The following POTEF variants were observed in gnomAD, a reference collection of about 807,000 sequenced individuals.
POTEF encodes ANKRD26-like family C member 1B.
POTEF carries 20 observed loss-of-function variants against 83.2 expected under a neutral mutation model. The observed-to-expected ratio is 0.24, with a 90% CI of 0.17 to 0.35. The LOEUF (loss-of-function observed/expected upper bound fraction) is 0.35. POTEF is among the 10% of genes least tolerant of loss of function. POTEF has a pLI of 1.00. For synonymous variants in POTEF, 196 were observed against 446.4 expected (o/e 0.44, Z 7.07); for missense variants, 550 against 1,203.2 (o/e 0.46, Z 8.03).
intron 5 of POTEF, among the ~76,000 whole-genome samples, chr2:130,114,585 G>A (rs1205049912): frequency 2.7e-5 from 4 of 145,740 alleles, no homozygotes; most frequent in African/African-American, 5.1e-5. Context: ...ACATTCAATA[G>A]GGAAAAAACA....
At chr2:130,087,631 A>AT (rs1317459046) in intron 13 of POTEF, among the ~76,000 whole-genome samples, 3 of 139,308 alleles carry the variant, frequency 2.2e-5, no homozygotes, top group African/African-American at 5.6e-5. Context: ...AATCTATTAA[A>AT]ATTTTTTTTT....
chr2:130,075,274 G>A lies in POTEF; in HGVS notation c.2198C>T (p.Ser733Phe). The A allele has an allele frequency of 4.3e-6, 7 of 1,612,596 alleles. No homozygotes were observed. The highest frequency in any genetic ancestry group is 3.3e-5 in the South Asian group (3 of 91,010). ...GDDAPRAVFP[S>F]IVGRPRQQGM... ...CTGCTGCCTGGGGCGCCCCACGATGGAAGGGAAGACAGCCCGGGGGGCATC... is the reference window on the plus strand; with the variant it reads ...CTGCTGCCTGGGGCGCCCCACGATGAAAGGGAAGACAGCCCGGGGGGCATC... The change falls in exon 17 of 17, where the codon TCC becomes TTC. Residue 733 changes from serine (S) to phenylalanine (F), a missense_variant. By Grantham distance (155) the Ser-to-Phe change is radical. Coordinates refer to ENST00000409914, the MANE Select transcript of POTEF (RefSeq NM_001099771.2).
At position 130,120,000 on chromosome 2, in the gene POTEF, T is replaced by C. The variant is rs769930249; in HGVS notation, c.516A>G (p.Gln172=). The C allele has an allele frequency of 1.1e-5, 13 of 1,167,268 alleles. 2 individuals carry two copies. In the South Asian group the frequency reaches 1.7e-4, roughly 15 times the overall value. 72.3% of individuals were successfully genotyped at this position (1,167,268 alleles called of 1,614,324 possible). Reference sequence around the variant, plus strand: ...CCCAGCCCAGGCCTGGTTACCTCTTTTGCTTGTCCTGCTTGTTCACGTCAG... The same window carrying C: ...CCCAGCCCAGGCCTGGTTACCTCTTCTGCTTGTCCTGCTTGTTCACGTCAG... ...RDTDVNKQDK[Q]KRTALHLASA... Residue 172 remains glutamine, a synonymous_variant, in exon 3 of 17, where the codon CAA becomes CAG. Coordinates refer to ENST00000409914, the MANE Select transcript of POTEF (RefSeq NM_001099771.2).
At chr2:130,127,251 G>A (rs1037031410) in intron 2 of POTEF, among the ~76,000 whole-genome samples, 2 of 132,844 alleles carry the variant, frequency 1.5e-5, no homozygotes, top group African/African-American at 2.9e-5. Context: ...TGTGAACCCA[G>A]GAAGCAGAGC....
chr2:130,096,596 G>T (rs1437130709), intron 11 of POTEF, among the ~76,000 whole-genome samples: 2 of 152,180 alleles, frequency 1.3e-5, no homozygotes, highest in African/African-American at 4.8e-5. Flanking sequence ...TAAGGAGAGA[G>T]ATCTGAGCTG....
At position 130,110,533 on chromosome 2, in the gene POTEF, A is replaced by G. The variant is rs3958684; in HGVS notation, c.1055+10T>C. 131 of 1,449,438 alleles carry G rather than the reference A, an allele frequency of 9.0e-5. 1 individual carries two copies. The African/African-American group carries it at 1.4e-3, about 15-fold the overall frequency. The allele number at this position is 1,449,438 out of a possible 1,614,324, so 89.8% of individuals were successfully genotyped here. On this transcript the variant is annotated intron_variant, in intron 7 of 16. Coordinates refer to ENST00000409914, the MANE Select transcript of POTEF (RefSeq NM_001099771.2). ...TCAGCATTAACTAGCCTTTTAATGTAAACACTTACACATGATGATGACTAG... is the reference window on the plus strand; with the variant it reads ...TCAGCATTAACTAGCCTTTTAATGTGAACACTTACACATGATGATGACTAG...
intron 2 of POTEF, among the ~76,000 whole-genome samples, chr2:130,123,394 G>A (rs1420832892): frequency 1.3e-5 from 2 of 151,960 alleles, no homozygotes; most frequent in Non-Finnish European, 2.9e-5. Flanking sequence ...TGTTCTCAAA[G>A]TTCTAGCATA....
chr2:130,117,106 A>T (rs1023952545), intron 3 of POTEF, among the ~76,000 whole-genome samples: 3 of 151,660 alleles, frequency 2.0e-5, no homozygotes, highest in Admixed American at 1.3e-4. Flanking sequence ...CATTTGCAAT[A>T]GTAATAATCA....
At chr2:130,127,215 C>T (rs1685112260) in intron 2 of POTEF, among the ~76,000 whole-genome samples, 1 of 150,080 alleles carries the variant, frequency 6.7e-6, no homozygotes, top group Non-Finnish European at 1.5e-5. Context: ...GTCCCAGCTA[C>T]TAGGGAGGCT....
chr2:130,113,441 C>T (rs1684764500), intron 5 of POTEF, among the ~76,000 whole-genome samples: 1 of 142,178 alleles, frequency 7.0e-6, no homozygotes, highest in South Asian at 2.3e-4. Flanking sequence ...GTTTCTGAGA[C>T]ATAAGAATTT....
At chr2:130,098,018 C>T (rs1240947661) in intron 11 of POTEF, among the ~76,000 whole-genome samples, 1 of 87,520 alleles carries the variant, frequency 1.1e-5, no homozygotes, top group African/African-American at 5.1e-5. Flanking sequence ...CACAGCCATG[C>T]TTATTCACTT....
chr2:130,125,938 G>A (rs141109251), intron 2 of POTEF, among the ~76,000 whole-genome samples: 7,148 of 150,736 alleles, frequency 0.047, 206 homozygotes, highest in Non-Finnish European at 0.063. Context: ...CAATTCTCCC[G>A]ACTTCCTTTT....
chr2:130,102,463 T>C (rs1225067824), intron 8 of POTEF, among the ~76,000 whole-genome samples: 1 of 128,690 alleles, frequency 7.8e-6, no homozygotes, highest in Admixed American at 8.5e-5. Flanking sequence ...TAACACAGTA[T>C]GTTGTTCTCC....
chr2:130,116,216 C>G (rs917057592), intron 3 of POTEF, among the ~76,000 whole-genome samples: 1 of 151,448 alleles, frequency 6.6e-6, no homozygotes, highest in Non-Finnish European at 1.5e-5. Context: ...AGCATGGGCT[C>G]ATTTTTGTCA....
chr2:130,126,897 G>C (rs1387132602), intron 2 of POTEF, among the ~76,000 whole-genome samples: 1 of 151,936 alleles, frequency 6.6e-6, no homozygotes, highest in Admixed American at 6.5e-5. Flanking sequence ...GGAACAAGAA[G>C]ATGAGAAGAA....
chr2:130,105,576 T>C (rs1573606003), intron 8 of POTEF, among the ~76,000 whole-genome samples: 4 of 151,450 alleles, frequency 2.6e-5, no homozygotes, highest in African/African-American at 9.8e-5. Flanking sequence ...CAGTCATGCC[T>C]GTTTGCTTAC....
intron 12 of POTEF, among the ~76,000 whole-genome samples, chr2:130,092,715 C>A (rs1366309665): frequency 8.6e-6 from 1 of 115,922 alleles, no homozygotes; most frequent in African/African-American, 3.8e-5. Flanking sequence ...CTTGTTCCAA[C>A]AAAGTAAATG....
intron 7 of POTEF, chr2:130,109,556 C>A (rs2443698): frequency 6.7e-6 from 1 of 149,730 alleles, no homozygotes; most frequent in Non-Finnish European, 1.5e-5. Flanking sequence ...AAGGTTCATA[C>A]GGGACTTTCT....
At chr2:130,112,936 A>G (rs1684750343) in intron 5 of POTEF, among the ~76,000 whole-genome samples, 1 of 152,002 alleles carries the variant, frequency 6.6e-6, no homozygotes, top group African/African-American at 2.4e-5. Flanking sequence ...TGAGAGGGCC[A>G]TCCTCTACTT....
Sources: allele counts gnomAD v4.1 joint callset (sites outside exome capture counted in the v4.1 genomes callset), GRCh38; gene constraint gnomAD v4.1.1; transcripts MANE v1.5; gene names NCBI Gene and HGNC (gene_info 2026-07-23, HGNC 2026-07-21).